Variants in CALCOCO1 observed in about 807,000 individuals in gnomAD.
CALCOCO1 encodes the protein calcium binding and coiled-coil domain 1, also known as calcium-binding and coiled-coil domain-containing protein 1.
A neutral mutation model predicts 86.3 loss-of-function variants in CALCOCO1; 44 were observed. That is an observed-to-expected ratio of 0.51 (90% CI 0.40 to 0.66). The LOEUF is 0.66. CALCOCO1 is among the 30% of genes least tolerant of loss of function. CALCOCO1 has a pLI of 0.00. For missense variants in CALCOCO1, 708 were observed against 851.1 expected, an observed-to-expected ratio of 0.83 and a Z score of 2.09; for synonymous variants, 297 against 327.6, an observed-to-expected ratio of 0.91 and a Z score of 1.01.
chr12:53,720,273 T>G (rs1945832205), intron 6 of CALCOCO1, among the ~76,000 whole-genome samples: 1 of 152,170 alleles, frequency 6.6e-6, no homozygotes, highest in South Asian at 2.1e-4. Flanking sequence ...ACTCTGCCAT[T>G]GTAGTGCAGG....
intron 4 of CALCOCO1, 170 bp downstream of exon 4, chr12:53,723,423 G>A (rs369905884): frequency 9.1e-5 from 60 of 659,662 alleles, no homozygotes; most frequent in Non-Finnish European, 6.4e-5. Context: ...TTACATGTTC[G>A]TGTATGTCTA....
intron 3 of CALCOCO1, chr12:53,723,988 T>G (rs986679545): frequency 1.7e-6 from 1 of 586,994 alleles, no homozygotes; most frequent in Non-Finnish European, 3.0e-6. Flanking sequence ...CTAGTTACCA[T>G]GTAGTGAGTG....
At chr12:53,716,451 T>C in intron 7 of CALCOCO1, 36 bp from the exon 8 acceptor site, 1 of 1,613,562 alleles carries the variant, frequency 6.2e-7, no homozygotes, top group South Asian at 1.1e-5. Context: ...GAAAGGGGTA[T>C]GTGTGTTGGG....
chr12:53,724,598 T>C, intron 3 of CALCOCO1, 47 bp downstream of exon 3: 1 of 1,426,010 alleles, frequency 7.0e-7, no homozygotes, highest in African/African-American at 1.4e-5. Flanking sequence ...CTTTCAAACC[T>C]CCACTCCCTT....
chr12:53,719,638 T>C, intron 7 of CALCOCO1, 101 bp downstream of exon 7: 5 of 784,658 alleles, frequency 6.4e-6, no homozygotes, highest in Non-Finnish European at 1.1e-5. Context: ...GTGCACACAA[T>C]GTCTTCTTTA....
intron 8 of CALCOCO1, 29 bp downstream of exon 8, chr12:53,716,231 G>C: frequency 6.2e-7 from 1 of 1,611,240 alleles, no homozygotes; most frequent in East Asian, 2.2e-5. Context: ...GGAATTTCCC[G>C]TTTCCTGTTG....
chr12:53,715,276 T>C lies in CALCOCO1; in HGVS notation c.1310A>G (p.Glu437Gly). 6.2e-7 allele frequency: 1 copy of C among 1,614,164 alleles called. No individual in the cohort carries two copies. Among genetic ancestry groups the C allele is most frequent in the Non-Finnish European group, 8.5e-7 (1 of 1,180,030 alleles). Residue 437 changes from glutamate (E) to glycine (G), a missense_variant, in exon 10 of 15, where the codon GAG (glutamate) becomes GGG (glycine). Transcript: ENST00000550804. The part of the protein sequence containing the change: ...LKLSAEILRL[E>G]KAVQEERTQN... ...GGTCCTCTCCTCCTGAACTGCCTTC[T>C]CCAATCGAAGTATCTCTGCACTCAG... is the stretch of plus-strand genomic sequence containing the variant.
In CALCOCO1 at chr12:53,712,009, C is replaced by T. The variant is rs368384514; in HGVS notation, c.2011G>A (p.Ala671Thr). The T allele has an allele frequency of 1.9e-6, 3 of 1,609,566 alleles. No homozygotes were observed. Among genetic ancestry groups the T allele is most frequent in the African/African-American group, 1.3e-5 (1 of 74,720 alleles). Residue 671 changes from alanine to threonine, a missense_variant, in exon 15 of 15, where the codon GCC becomes ACC. Coordinates refer to ENST00000550804, the MANE Select transcript of CALCOCO1 (RefSeq NM_020898.3). ...ERFPAESDKD[A>T]LEDHMDGHFF... ...TGTCCATCCATGTGGTCCTCCAGGG[C>T]ATCCTTGTCACTCTCAGCAGGAAAG... is the stretch of plus-strand genomic sequence containing the variant.
Position 53,711,304 on chromosome 12 carries a change from A to G in CALCOCO1, c.*640T>C, listed in dbSNP as rs1294167152. On this transcript the variant is annotated 3_prime_UTR_variant, in exon 15 of 15. Transcript: ENST00000550804. ...ATTTCTTTCCATGTGAGGAGATGCG[A>G]GGAGAGGATACAGAATACAGGAATC... 2.5e-6 allele frequency: 1 copy of G among 398,066 alleles called. No individual in the cohort carries two copies. The highest frequency in any genetic ancestry group is 4.4e-6 in the Non-Finnish European group (1 of 225,616). The allele number at this position is 398,066 out of a possible 1,614,324, so 24.7% of individuals were successfully genotyped here.
chr12:53,712,642 C>T, intron 14 of CALCOCO1: 3 of 369,670 alleles, frequency 8.1e-6, no homozygotes, highest in African/African-American at 4.2e-5. Flanking sequence ...TAAGGGTTAC[C>T]CAGGGAAGTC....
chr12:53,723,143 T>C (rs890720912), intron 4 of CALCOCO1, among the ~76,000 whole-genome samples: 1 of 152,166 alleles, frequency 6.6e-6, no homozygotes, highest in African/African-American at 2.4e-5. Flanking sequence ...TTAATTGCAT[T>C]TGAAGTGCTC....
Position 53,708,913 on chromosome 12 carries a change from G to A in CALCOCO1, c.*3031C>T, listed in dbSNP as rs1030003603. ...TGGTTCTGTTATACTGGAGTACAGG[G>A]TTCCTTAGGGTAGATGGGAAATGGA... On this transcript the variant is annotated 3_prime_UTR_variant, in exon 15 of 15. Coordinates refer to ENST00000550804, the MANE Select transcript of CALCOCO1 (RefSeq NM_020898.3). 3 of 152,240 alleles carry A rather than the reference G, an allele frequency of 2.0e-5. No individual in the cohort carries two copies. The highest frequency in any genetic ancestry group is 4.4e-5 in the Non-Finnish European group (3 of 68,034). The allele number at this position is 152,240 out of a possible 1,614,324, so 9.4% of individuals were successfully genotyped here. A position where few individuals can be genotyped will look rare whatever the true frequency, so the allele number is the denominator to read the frequency against.
rs371607550 is a variant in CALCOCO1 at position 53,723,687 on chromosome 12, C to T, written c.356G>A (p.Arg119Gln). ...VCGQSPPFQF[R>Q]EPRPMDELVT... ...CAGTTCATCCATGGGCCTTGGCTCT[C>T]GGAACTGGAAAGGGGGGCTCTGCCC... The change falls in exon 4 of 15, where the codon CGA (arginine) becomes CAA (glutamine). Residue 119 changes from arginine (R) to glutamine (Q), a missense_variant. By Grantham distance (43) the Arg-to-Gln change is conservative (BLOSUM62 1). Transcript: ENST00000550804. The T allele has an allele frequency of 4.1e-5, 66 of 1,614,040 alleles. No individual in the cohort carries two copies. Among genetic ancestry groups the T allele is most frequent in the African/African-American group, 1.1e-4 (8 of 74,914 alleles).
intron 10 of CALCOCO1, 116 bp from the exon 11 acceptor site, chr12:53,714,809 C>T: frequency 1.4e-6 from 1 of 692,138 alleles, no homozygotes; most frequent in Admixed American, 2.3e-5. Context: ...TGCTTCTTCC[C>T]TGCTCTGACA....
At chr12:53,716,719 C>T (rs1445956251) in intron 7 of CALCOCO1, among the ~76,000 whole-genome samples, 1 of 152,198 alleles carries the variant, frequency 6.6e-6, no homozygotes, top group Non-Finnish European at 1.5e-5. Context: ...TCATGCCCTA[C>T]AGGCCCCTTA....
chr12:53,714,647 G>T lies in CALCOCO1; in HGVS notation c.1433C>A (p.Ala478Asp), dbSNP rs769835439. ...CTTTTCCTTCTGGAGCACACGCAGGGCTGACCGCAGCTCTGTCAGCTCCCG... is the reference window on the plus strand; with the variant it reads ...CTTTTCCTTCTGGAGCACACGCAGGTCTGACCGCAGCTCTGTCAGCTCCCG... ...SKRELTELRS[A>D]LRVLQKEKEQ... Residue 478 changes from alanine (A) to aspartate (D), a missense_variant, in exon 11 of 15, where the codon GCC (alanine) becomes GAC (aspartate). Ala to Asp is a moderately radical substitution (Grantham distance 126). Coordinates refer to ENST00000550804, the MANE Select transcript of CALCOCO1 (RefSeq NM_020898.3). 59 of 1,613,942 alleles carry T rather than the reference G, an allele frequency of 3.7e-5. No homozygotes were observed. Among genetic ancestry groups the T allele is most frequent in the Non-Finnish European group, 5.0e-5 (59 of 1,180,010 alleles).
Position 53,714,670 on chromosome 12 carries a change from C to T in CALCOCO1, c.1410G>A (p.Arg470=). 1 of 1,613,852 alleles carries T rather than the reference C, an allele frequency of 6.2e-7. No homozygotes were observed. The highest frequency in any genetic ancestry group is 8.5e-7 in the Non-Finnish European group (1 of 1,179,914). ...GGGCTGACCGCAGCTCTGTCAGCTC[C>T]CGCTTACTTTCTGACAACTGTACCT... The part of the protein sequence containing the change: ...SSLVQLSESK[R]ELTELRSALR... The change falls in exon 11 of 15, where the codon CGG becomes CGA. Residue 470 remains arginine (R), a synonymous_variant. Transcript: ENST00000550804.
chr12:53,723,643 C>T lies in CALCOCO1; in HGVS notation c.400G>A (p.Asp134Asn). 6.2e-7 allele frequency: 1 copy of T among 1,614,250 alleles called. No homozygotes were observed. The highest frequency in any genetic ancestry group is 8.5e-7 in the Non-Finnish European group (1 of 1,180,044). Residue 134 changes from aspartate (D) to asparagine (N), a missense_variant, in exon 4 of 15, where the codon GAT becomes AAT. Transcript: ENST00000550804. ...ACCAGCAGGATGTCAGAGCCCCCATCAGCCTCCTCCAGGGTCACCAGTTCA... is the reference window on the plus strand; with the variant it reads ...ACCAGCAGGATGTCAGAGCCCCCATTAGCCTCCTCCAGGGTCACCAGTTCA... ...MDELVTLEEA[D>N]GGSDILLVVP...
Position 53,711,851 on chromosome 12 carries a change from G to T in CALCOCO1, c.*93C>A. On this transcript the variant is annotated 3_prime_UTR_variant, in exon 15 of 15. Coordinates refer to ENST00000550804, the MANE Select transcript of CALCOCO1 (RefSeq NM_020898.3). ...GGAACAGAATATCATGGAGCCCAGT[G>T]TGATAGAAAATGGGCATGAAACCTA... The T allele has an allele frequency of 9.2e-7, 1 of 1,092,808 alleles. No homozygotes were observed. Among genetic ancestry groups the T allele is most frequent in the Non-Finnish European group, 1.3e-6 (1 of 792,528 alleles). The allele number at this position is 1,092,808 out of a possible 1,614,324, so 67.7% of individuals were successfully genotyped here. A position where few individuals can be genotyped will look rare whatever the true frequency, so the allele number is the denominator to read the frequency against.
Sources: allele counts gnomAD v4.1 joint callset (sites outside exome capture counted in the v4.1 genomes callset), GRCh38; gene constraint gnomAD v4.1.1; transcripts MANE v1.5; gene names NCBI Gene and HGNC (gene_info 2026-07-23, HGNC 2026-07-21).